Variants in TFDP2 observed in about 807,000 individuals in gnomAD.
TFDP2 encodes the protein transcription factor Dp-2.
A neutral mutation model predicts 59.3 loss-of-function variants in TFDP2; 17 were observed. The observed-to-expected ratio is 0.29, with a 90% CI of 0.20 to 0.43. TFDP2 has a LOEUF of 0.43. TFDP2 is among the 20% of genes least tolerant of loss of function. The pLI, the probability that TFDP2 is intolerant of heterozygous loss-of-function variation, is 1.00. For missense variants in TFDP2, 391 were observed against 528.8 expected, an observed-to-expected ratio of 0.74 and a Z score of 2.56; for synonymous variants, 180 against 194.7, an observed-to-expected ratio of 0.92 and a Z score of 0.63.
intron 3 of TFDP2, among the ~76,000 whole-genome samples, chr3:142,046,224 A>T (rs991246190): frequency 6.6e-6 from 1 of 152,138 alleles, no homozygotes; most frequent in Non-Finnish European, 1.5e-5. Context: ...TTTGAAACAG[A>T]ATATAGTTCT....
At chr3:142,114,229 C>T (rs2061770699) in intron 1 of TFDP2, among the ~76,000 whole-genome samples, 1 of 151,524 alleles carries the variant, frequency 6.6e-6, no homozygotes, top group Non-Finnish European at 1.5e-5. Context: ...GCTTAAGTAA[C>T]TTGCCCAAGG....
chr3:142,034,723 T>G (rs1946604347), intron 3 of TFDP2, among the ~76,000 whole-genome samples: 1 of 151,478 alleles, frequency 6.6e-6, no homozygotes, highest in Non-Finnish European at 1.5e-5. Context: ...TTGGCTTTTT[T>G]TTTTTTTTTT....
At position 141,963,954 on chromosome 3, in the gene TFDP2, A is replaced by C; in HGVS notation, c.742T>G (p.Phe248Val). 6.2e-7 allele frequency: 1 copy of C among 1,613,356 alleles called. No homozygotes were observed. ...CGATTTCTCTGTACCAGGTTTTTGA[A>C]AGCGATTTGCTGTAATGATCAATAA... is the stretch of plus-strand genomic sequence containing the variant. ...LQELLLQQIA[F>V]KNLVQRNRQN... The change falls in exon 10 of 13, where the codon TTC becomes GTC. Residue 248 changes from phenylalanine (F) to valine (V), a missense_variant. This residue lies in a region of TFDP2 where 223 missense variants were observed against 292.5 expected (regional missense o/e 0.76). Coordinates refer to ENST00000489671, the MANE Select transcript of TFDP2 (RefSeq NM_001178139.2).
intron 6 of TFDP2, among the ~76,000 whole-genome samples, chr3:141,985,114 G>A (rs921454135): frequency 8.6e-5 from 13 of 151,850 alleles, no homozygotes; most frequent in African/African-American, 3.1e-4. Flanking sequence ...CTCACCATTA[G>A]AAAATGAGGA....
In TFDP2 at chr3:141,952,586, C is replaced by T. The variant is rs758118042; in HGVS notation, c.1268G>A (p.Arg423Gln). The T allele has an allele frequency of 5.1e-6, 8 of 1,572,838 alleles. No homozygotes were observed. The highest frequency in any genetic ancestry group is 3.6e-5 in the South Asian group (3 of 82,856). Residue 423 changes from arginine (R) to glutamine (Q), a missense_variant, in exon 13 of 13, where the codon CGA (arginine) becomes CAA (glutamine). Around this residue, in one of 3 missense-constraint regions of TFDP2, gnomAD observed 223 missense variants for 292.5 expected, o/e 0.76. Coordinates refer to ENST00000489671, the MANE Select transcript of TFDP2 (RefSeq NM_001178139.2). Reference protein sequence around the residue: ...SSAASHCSESRGETPCSFNDE... With the variant: ...SSAASHCSESQGETPCSFNDE... ...ATTGAACGAACAGGGGGTCTCGCCT[C>T]GGGACTCGGAGCAGTGAGAGGCCGC... is the stretch of plus-strand genomic sequence containing the variant.
intron 3 of TFDP2, chr3:142,043,554 G>T: frequency 1.5e-6 from 1 of 684,894 alleles, no homozygotes; most frequent in Non-Finnish European, 2.6e-6. Context: ...GCAGATAAAG[G>T]TTTCTTTTAT....
At chr3:142,089,640 G>T (rs2060934497) in intron 3 of TFDP2, among the ~76,000 whole-genome samples, 2 of 151,770 alleles carry the variant, frequency 1.3e-5, no homozygotes, top group African/African-American at 4.8e-5. Flanking sequence ...ATCATATATA[G>T]AAATATATAT....
intron 11 of TFDP2, among the ~76,000 whole-genome samples, 199 bp from the exon 12 acceptor site, chr3:141,953,215 A>G (rs1280864184): frequency 6.6e-6 from 1 of 151,246 alleles, no homozygotes; most frequent in Non-Finnish European, 1.5e-5. Flanking sequence ...AAGAGCAGGA[A>G]AAAAAAAATA....
chr3:142,040,103 A>G (rs115260843), intron 3 of TFDP2, among the ~76,000 whole-genome samples: 1,369 of 87,688 alleles, frequency 0.016, 7 homozygotes, highest in Middle Eastern at 0.035. Flanking sequence ...TATAAGACAT[A>G]CACAAAATAA....
intron 9 of TFDP2, among the ~76,000 whole-genome samples, chr3:141,969,421 G>A (rs1013216143): frequency 2.7e-5 from 4 of 150,570 alleles, no homozygotes; most frequent in Non-Finnish European, 4.4e-5. Context: ...GACCAGCCTG[G>A]CCAAGATGGT....
chr3:142,037,667 T>A (rs1946751399), intron 3 of TFDP2, among the ~76,000 whole-genome samples: 1 of 152,222 alleles, frequency 6.6e-6, no homozygotes, highest in South Asian at 2.1e-4. Context: ...TGTGGTTATT[T>A]ACACAAAGTA....
At chr3:141,986,793 T>A (rs1186029033) in intron 6 of TFDP2, among the ~76,000 whole-genome samples, 2 of 152,240 alleles carry the variant, frequency 1.3e-5, no homozygotes, top group Non-Finnish European at 2.9e-5. Context: ...ATGCTTCATA[T>A]CCTTGCCAAA....
intron 4 of TFDP2, among the ~76,000 whole-genome samples, chr3:142,004,100 A>G (rs1193945378): frequency 6.6e-6 from 1 of 152,142 alleles, no homozygotes; most frequent in Non-Finnish European, 1.5e-5. Context: ...ATGCTTAGCA[A>G]ATGTCTGAAA....
At chr3:141,961,250 T>TG (rs1352150345) in intron 10 of TFDP2, among the ~76,000 whole-genome samples, 89 of 144,232 alleles carry the variant, frequency 6.2e-4, no homozygotes, top group African/African-American at 2.1e-3. Context: ...TTTTTTTTTT[T>TG]TTTTTTTTTT....
chr3:141,964,783 C>T (rs1464009232), intron 9 of TFDP2, among the ~76,000 whole-genome samples: 2 of 152,196 alleles, frequency 1.3e-5, no homozygotes, highest in African/African-American at 4.8e-5. Context: ...AAGGCACCTC[C>T]ACAGAACTTC....
chr3:141,950,267 G>A lies in TFDP2; in HGVS notation c.*2246C>T, dbSNP rs1370219597. ...AGGCAAGATTTTACTCCAGCGACAT[G>A]TACTGGTGACCATGATGTCACTCTG... On this transcript the variant is annotated 3_prime_UTR_variant, in exon 13 of 13. Transcript: ENST00000489671. 3.3e-5 allele frequency: 5 copies of A among 152,184 alleles called. No homozygotes were observed. Among genetic ancestry groups the A allele is most frequent in the Non-Finnish European group, 5.9e-5 (4 of 68,044 alleles). The allele number at this position is 152,184 out of a possible 1,614,324, so 9.4% of individuals were successfully genotyped here. A position where few individuals can be genotyped will look rare whatever the true frequency, so the allele number is the denominator to read the frequency against.
rs151269736 is a variant in TFDP2 at position 142,109,431 on chromosome 3, C to T, written c.-92-7590G>A. Reference sequence around the variant, plus strand: ...GAAACCTCTGGCCCCTGGGTTCAAGCGATCCTCCTGCCTCAGCCTCCCAAG... The same window carrying T: ...GAAACCTCTGGCCCCTGGGTTCAAGTGATCCTCCTGCCTCAGCCTCCCAAG... On this transcript the variant is annotated intron_variant, in intron 1 of 12. Transcript: ENST00000489671. 5.4e-3 allele frequency among the ~76,000 whole-genome samples: 812 copies of T among 149,802 alleles called. 9 individuals are homozygous for T. Among genetic ancestry groups the T allele is most frequent in the African/African-American group, 0.017 (669 of 39,652 alleles).
chr3:142,140,362 G>C (rs908525636), intron 1 of TFDP2, among the ~76,000 whole-genome samples: 1 of 152,106 alleles, frequency 6.6e-6, no homozygotes, highest in Non-Finnish European at 1.5e-5. Flanking sequence ...GCCTGCTTCT[G>C]TCAACTCATC....
intron 3 of TFDP2, among the ~76,000 whole-genome samples, chr3:142,023,278 G>A (rs763465636): frequency 1.1e-4 from 17 of 151,220 alleles, no homozygotes; most frequent in South Asian, 2.1e-4. Flanking sequence ...TCCGCCTCCC[G>A]CGTTCAAGTG....
Sources: allele counts gnomAD v4.1 joint callset (sites outside exome capture counted in the v4.1 genomes callset), GRCh38; gene constraint gnomAD v4.1.1; regional missense constraint gnomAD v4.1.1; transcripts MANE v1.5; gene names NCBI Gene and HGNC (gene_info 2026-07-23, HGNC 2026-07-21).